Variants in PTGES3 observed in about 807,000 individuals in gnomAD.
PTGES3 encodes the protein Hsp90 co-chaperone.
Under a neutral mutation model 29.9 loss-of-function variants are expected in PTGES3, and 5 were observed. The observed-to-expected ratio is 0.17, with a 90% CI of 0.09 to 0.35. The LOEUF is 0.35. Ranked by LOEUF, PTGES3 falls within the 10% of genes least tolerant of loss-of-function variation. PTGES3 has a pLI of 1.00. For missense variants in PTGES3, 128 were observed against 190.0 expected, an observed-to-expected ratio of 0.67 and a Z score of 1.92; for synonymous variants, 49 against 57.8, an observed-to-expected ratio of 0.85 and a Z score of 0.69.
Position 56,675,300 on chromosome 12 carries a change from AAAAAAG to A in PTGES3, c.3-2241_3-2236del, listed in dbSNP as rs763557082. The stretch of plus-strand genomic sequence containing the variant: ...GGGTGACAGAGCAAGACTCTGTCTC[AAAAAAG>A]AAAAAGAAAAAGAAAAAGAAAAAAA... On this transcript the variant is annotated intron_variant, in intron 1 of 7. Coordinates refer to ENST00000262033, the MANE Select transcript of PTGES3 (RefSeq NM_006601.7). Among the ~76,000 whole-genome samples the A allele has an allele frequency of 1.1e-3, 172 of 151,894 alleles. 2 individuals carry two copies. The Middle Eastern group carries it at 0.014, about 12-fold the overall frequency.
chr12:56,672,845 C>A (rs771902735), intron 2 of PTGES3, 36 bp from the exon 3 acceptor site: 2 of 1,548,642 alleles, frequency 1.3e-6, no homozygotes, highest in African/African-American at 1.4e-5. Context: ...TAAGCCTCTT[C>A]AAAGAGACAA....
At chr12:56,677,038 C>A (rs1952286982) in intron 1 of PTGES3, among the ~76,000 whole-genome samples, 2 of 150,648 alleles carry the variant, frequency 1.3e-5, no homozygotes, top group South Asian at 2.1e-4. Context: ...GAGTTCAAGA[C>A]CAGCCTGGCC....
Position 56,681,537 on chromosome 12 carries a change from CAAAAAAAA to C in PTGES3, c.2+6453_2+6460del, listed in dbSNP as rs34581651. On this transcript the variant is annotated intron_variant, in intron 1 of 7. Transcript: ENST00000262033. ...TGGGCAACAGAGTGAGACTCCATCT[CAAAAAAAA>C]AAAAAAAAAAAAAAAAGAATCAGCC... Among the ~76,000 whole-genome samples, 8 of 25,690 alleles carry C rather than the reference CAAAAAAAA, an allele frequency of 3.1e-4. No individual in the cohort carries two copies. In the Admixed American group the frequency reaches 3.7e-3, roughly 12 times the overall value. The allele number at this position is 25,690 out of a possible 152,430, so 16.9% of individuals were successfully genotyped here. A position where few individuals can be genotyped will look rare whatever the true frequency, so the allele number is the denominator to read the frequency against.
intron 1 of PTGES3, among the ~76,000 whole-genome samples, chr12:56,683,857 G>A (rs1169348394): frequency 6.8e-6 from 1 of 147,552 alleles, no homozygotes; most frequent in East Asian, 2.1e-4. Flanking sequence ...TACTCGGGAG[G>A]CTGAGGCAAG....
intron 1 of PTGES3, chr12:56,687,560 C>G (rs1246470696): frequency 2.0e-6 from 2 of 1,016,896 alleles, no homozygotes; most frequent in South Asian, 4.1e-5. Context: ...CCTGGCGGCA[C>G]CCACCACAGG....
Position 56,688,157 on chromosome 12 carries a change from G to A in PTGES3, c.-158C>T. 7.5e-7 allele frequency: 1 copy of A among 1,328,438 alleles called. No individual in the cohort carries two copies. Among genetic ancestry groups the A allele is most frequent in the Non-Finnish European group, 9.8e-7 (1 of 1,023,508 alleles). The allele number at this position is 1,328,438 out of a possible 1,614,324, so 82.3% of individuals were successfully genotyped here. A position where few individuals can be genotyped will look rare whatever the true frequency, so the allele number is the denominator to read the frequency against. ...AGGCGACGGCGGCAGCGGCGGGCTC[G>A]ACCTCGGGCCCCAGAATGCACCGCG... On this transcript the variant is annotated 5_prime_UTR_variant, in exon 1 of 8. Coordinates refer to ENST00000262033, the MANE Select transcript of PTGES3 (RefSeq NM_006601.7).
At chr12:56,668,103 T>G (rs1026445437) in intron 5 of PTGES3, among the ~76,000 whole-genome samples, 1 of 152,162 alleles carries the variant, frequency 6.6e-6, no homozygotes, top group East Asian at 1.9e-4. Context: ...AGCAAAACTC[T>G]GCCTCAAAAA....
intron 5 of PTGES3, 80 bp downstream of exon 5, chr12:56,670,195 G>T: frequency 1.1e-6 from 1 of 945,696 alleles, no homozygotes; most frequent in Non-Finnish European, 1.7e-6. Flanking sequence ...ACCATTAGGT[G>T]CCCAAAACCA....
rs758207497 is a variant in PTGES3 at position 56,673,484 on chromosome 12, G to GAAAAAAAAAAAAA, written c.3-420_3-419insTTTTTTTTTTTTT. ...CCGACTCTACTACAAATACAAATAC[G>GAAAAAAAAAAAAA]GAAAAAAAAAAAAAAAAAAAAAAAA... On this transcript the variant is annotated intron_variant, in intron 1 of 7. Transcript: ENST00000262033. 1.1e-4 allele frequency among the ~76,000 whole-genome samples: 4 copies of GAAAAAAAAAAAAA among 36,824 alleles called. 2 individuals carry two copies. Among genetic ancestry groups the GAAAAAAAAAAAAA allele is most frequent in the Admixed American group, 9.5e-4 (2 of 2,116 alleles). The allele number at this position is 36,824 out of a possible 152,430, so 24.2% of individuals were successfully genotyped here.
intron 1 of PTGES3, among the ~76,000 whole-genome samples, chr12:56,677,952 T>C (rs915261717): frequency 1.3e-5 from 2 of 152,160 alleles, no homozygotes; most frequent in Non-Finnish European, 2.9e-5. Context: ...AGCAGGTTTA[T>C]TCAGAAAGTT....
chr12:56,686,759 G>A (rs1952882922), intron 1 of PTGES3: 1 of 397,408 alleles, frequency 2.5e-6, no homozygotes, highest in African/African-American at 2.1e-5. Context: ...CTGTGCTCTA[G>A]AAGCTTGTTC....
chr12:56,665,959 A>G, intron 6 of PTGES3: 2 of 1,213,710 alleles, frequency 1.6e-6, no homozygotes, highest in Non-Finnish European at 2.1e-6. Flanking sequence ...ATTAATATAT[A>G]ATGTCTCTAT....
chr12:56,679,655 C>T (rs901350983), intron 1 of PTGES3, among the ~76,000 whole-genome samples: 6 of 152,142 alleles, frequency 3.9e-5, no homozygotes, highest in African/African-American at 9.6e-5. Flanking sequence ...AACTCAGCCC[C>T]CTCTCCATAT....
At chr12:56,683,473 CAAAAA>C (rs71081388) in intron 1 of PTGES3, among the ~76,000 whole-genome samples, 43 of 29,758 alleles carry the variant, frequency 1.4e-3, no homozygotes, top group South Asian at 0.012. Context: ...AACTCTGTCT[CAAAAA>C]AAAAAAAAAA....
chr12:56,687,155 C>G, intron 1 of PTGES3: 1 of 994,994 alleles, frequency 1.0e-6, no homozygotes, highest in Non-Finnish European at 1.3e-6. Flanking sequence ...TTCACCTCCA[C>G]ACAAATTTAA....
At chr12:56,667,856 C>G (rs1352258030) in intron 5 of PTGES3, among the ~76,000 whole-genome samples, 2 of 152,152 alleles carry the variant, frequency 1.3e-5, no homozygotes, top group African/African-American at 4.8e-5. Context: ...GCCTGTAATC[C>G]CAGAACTTTG....
intron 1 of PTGES3, among the ~76,000 whole-genome samples, chr12:56,674,714 T>A (rs1399187340): frequency 6.7e-6 from 1 of 148,494 alleles, no homozygotes; most frequent in African/African-American, 2.5e-5. Flanking sequence ...TAGTCCCAGC[T>A]ACTCGGGAGG....
At chr12:56,667,360 A>G (rs181400975) in intron 5 of PTGES3, among the ~76,000 whole-genome samples, 7 of 152,380 alleles carry the variant, frequency 4.6e-5, no homozygotes, top group Admixed American at 2.0e-4. Context: ...ATAAAATCAC[A>G]TATGCATGGA....
chr12:56,686,920 AAAAC>A (rs1452192808), intron 1 of PTGES3: 2 of 397,482 alleles, frequency 5.0e-6, no homozygotes, highest in Non-Finnish European at 8.9e-6. Context: ...AATGGAGTCT[AAAAC>A]AAAAGAAAAA....
Sources: allele counts gnomAD v4.1 joint callset (sites outside exome capture counted in the v4.1 genomes callset), GRCh38; gene constraint gnomAD v4.1.1; transcripts MANE v1.5; gene names NCBI Gene and HGNC (gene_info 2026-07-23, HGNC 2026-07-21).